Variants in NCOA2 observed in about 807,000 individuals in gnomAD.
NCOA2 encodes the protein class E basic helix-loop-helix protein 75.
A neutral mutation model predicts 145.1 loss-of-function variants in NCOA2; 21 were observed. That is an observed-to-expected ratio of 0.14 (90% CI 0.10 to 0.21). The LOEUF (loss-of-function observed/expected upper bound fraction) is 0.21. Ranked by LOEUF, NCOA2 falls within the 10% of genes least tolerant of loss-of-function variation. The pLI, the probability that NCOA2 is intolerant of heterozygous loss-of-function variation, is 1.00. For missense variants in NCOA2, 1,472 were observed against 1,837.6 expected (o/e 0.80, Z 3.64); for synonymous variants, 619 against 637.5 (o/e 0.97, Z 0.44).
chr8:70,292,094 T>C (rs1826738091), intron 2 of NCOA2, among the ~76,000 whole-genome samples: 1 of 151,124 alleles, frequency 6.6e-6, no homozygotes, highest in Non-Finnish European at 1.5e-5. Flanking sequence ...AAAAAAGACT[T>C]TGAATAGGGA....
the NCOA2 span, among the ~76,000 whole-genome samples, chr8:70,445,591 C>G: frequency 6.6e-6 from 1 of 151,996 alleles, no homozygotes; most frequent in African/African-American, 2.4e-5. Context: ...CGTGTTGCCC[C>G]AAGACCCCCC....
intron 1 of NCOA2, among the ~76,000 whole-genome samples, chr8:70,340,331 T>C (rs1160251443): frequency 1.3e-5 from 2 of 151,842 alleles, no homozygotes; most frequent in Non-Finnish European, 2.9e-5. Context: ...CCAACAAACA[T>C]ATGAAAAAAA....
intron 4 of NCOA2, among the ~76,000 whole-genome samples, chr8:70,204,044 C>T (rs1350537178): frequency 2.6e-5 from 4 of 151,672 alleles, no homozygotes; most frequent in Non-Finnish European, 4.4e-5. Flanking sequence ...TGAGGTCTCG[C>T]TCTATCACCC....
chr8:70,363,084 A>C (rs796248375), intron 1 of NCOA2, among the ~76,000 whole-genome samples: 41 of 135,690 alleles, frequency 3.0e-4, no homozygotes, highest in Middle Eastern at 3.9e-3. Flanking sequence ...GTCTTTAAAA[A>C]AAAAAAAAAA....
intron 10 of NCOA2, among the ~76,000 whole-genome samples, chr8:70,159,244 T>TATATATATATGTATATATATGTATATATA: frequency 1.4e-5 from 1 of 69,304 alleles, no homozygotes; most frequent in African/African-American, 5.2e-5. Context: ...ATATATATAT[T>TATATATATATGTATATATATGTATATATA]TTTTTTTTTT....
chr8:70,435,721 T>C, the NCOA2 span, among the ~76,000 whole-genome samples: 1 of 151,076 alleles, frequency 6.6e-6, no homozygotes, highest in African/African-American at 2.4e-5. Context: ...TACACTTATA[T>C]ATATATATAT....
At chr8:70,165,496 G>A (rs1367343105) in intron 7 of NCOA2, among the ~76,000 whole-genome samples, 1 of 152,166 alleles carries the variant, frequency 6.6e-6, no homozygotes, top group East Asian at 1.9e-4. Context: ...GATGTTTTCA[G>A]TCACAAGTGG....
chr8:70,265,937 A>G (rs1824544049), intron 2 of NCOA2, among the ~76,000 whole-genome samples: 1 of 152,034 alleles, frequency 6.6e-6, no homozygotes, highest in Non-Finnish European at 1.5e-5. Context: ...CAAGAATTTG[A>G]GACCAGCCTG....
the NCOA2 span, among the ~76,000 whole-genome samples, chr8:70,435,351 A>G: frequency 0.15 from 20,728 of 141,104 alleles, 1,846 homozygotes; most frequent in African/African-American, 0.25. Flanking sequence ...CATGAACCCA[A>G]GAGGCGGAGC....
chr8:70,299,289 C>T lies in NCOA2; in HGVS notation c.-76-2489G>A, dbSNP rs73684271. Reference sequence around the variant, plus strand: ...AAAGCTCTATAATAAAGAAGCATCTCGTTACTGCTCTGTCCCGAGAGTTTT... The same window carrying T: ...AAAGCTCTATAATAAAGAAGCATCTTGTTACTGCTCTGTCCCGAGAGTTTT... On this transcript the variant is annotated intron_variant, in intron 1 of 22. Transcript: ENST00000452400. Among the ~76,000 whole-genome samples, 556 of 152,244 alleles carry T rather than the reference C, an allele frequency of 3.7e-3. 5 individuals are homozygous for T. The highest frequency in any genetic ancestry group is 0.012 in the African/African-American group (498 of 41,564).
In NCOA2 at chr8:70,379,852, A is replaced by C. The variant is rs1812035881; in HGVS notation, c.-77+23848T>G. On this transcript the variant is annotated intron_variant, in intron 1 of 22. Transcript: ENST00000452400. ...ATCGTTTCTGTATCATGCTTTAACTACCAGTTTGCATCAACTAAAACTCAT... is the reference window on the plus strand; with the variant it reads ...ATCGTTTCTGTATCATGCTTTAACTCCCAGTTTGCATCAACTAAAACTCAT... Among the ~76,000 whole-genome samples, 4 of 152,152 alleles carry C rather than the reference A, an allele frequency of 2.6e-5. No homozygotes were observed. The South Asian group carries it at 8.3e-4, about 31-fold the overall frequency.
chr8:70,385,960 G>A (rs966317631), intron 1 of NCOA2, among the ~76,000 whole-genome samples: 2 of 152,098 alleles, frequency 1.3e-5, no homozygotes, highest in African/African-American at 4.8e-5. Context: ...TTTAGTGCAC[G>A]GTTTTCTTCT....
intron 2 of NCOA2, among the ~76,000 whole-genome samples, chr8:70,294,923 T>C (rs966111614): frequency 6.6e-6 from 1 of 152,216 alleles, no homozygotes; most frequent in African/African-American, 2.4e-5. Flanking sequence ...AAATTGCACT[T>C]GTAAAATAGA....
intron 9 of NCOA2, among the ~76,000 whole-genome samples, chr8:70,160,661 G>GAGAGAGAGAA (rs1308844476): frequency 7.2e-6 from 1 of 139,802 alleles, no homozygotes; most frequent in Non-Finnish European, 1.5e-5. Flanking sequence ...GTGAGAGACA[G>GAGAGAGAGAA]AGAGAGAGAG....
At chr8:70,245,294 T>G (rs574323995) in intron 2 of NCOA2, 1 of 152,286 alleles carries the variant, frequency 6.6e-6, no homozygotes, top group South Asian at 2.1e-4. Context: ...TTTTAGCTGC[T>G]GATCAGACAG....
Position 70,112,589 on chromosome 8 carries a change from C to T in NCOA2, c.*1043G>A. 4.9e-6 allele frequency: 1 copy of T among 205,346 alleles called. No homozygotes were observed. Among genetic ancestry groups the T allele is most frequent in the Admixed American group, 6.0e-5 (1 of 16,798 alleles). 12.7% of individuals were successfully genotyped at this position (205,346 alleles called of 1,614,324 possible). ...TAAACATGCTTCCAAAGCAGGTATC[C>T]TTAGCTCGATTGGTATCAAGCCTTA... On this transcript the variant is annotated 3_prime_UTR_variant, in exon 23 of 23. Transcript: ENST00000452400.
chr8:70,389,208 A>G (rs780680180), intron 1 of NCOA2, among the ~76,000 whole-genome samples: 7 of 152,000 alleles, frequency 4.6e-5, no homozygotes, highest in African/African-American at 1.7e-4. Context: ...AGCTACTATC[A>G]CATCTGTTTG....
At chr8:70,260,957 T>A (rs939656899) in intron 2 of NCOA2, among the ~76,000 whole-genome samples, 1 of 152,102 alleles carries the variant, frequency 6.6e-6, no homozygotes, top group Admixed American at 6.5e-5. Context: ...AAACAACAGG[T>A]GCTGGAGAGG....
intron 1 of NCOA2, among the ~76,000 whole-genome samples, chr8:70,352,082 C>T (rs990678999): frequency 1.3e-5 from 2 of 152,026 alleles, no homozygotes; most frequent in Admixed American, 6.6e-5. Flanking sequence ...TACTCTTACA[C>T]TTCATACTTT....
Sources: gnomAD v4.1 joint callset for allele counts (sites outside exome capture counted in the v4.1 genomes callset) on GRCh38, gnomAD v4.1.1 for gene constraint, MANE v1.5 for transcripts, NCBI Gene and HGNC (gene_info 2026-07-23, HGNC 2026-07-21) for gene names.